NDUFAF6: variants seen among roughly 807,000 people sequenced by gnomAD.
The protein encoded by NDUFAF6 is NADH dehydrogenase (ubiquinone) complex I, assembly factor 6.
Under a neutral mutation model 40.8 loss-of-function variants are expected in NDUFAF6, and 45 were observed. That is an observed-to-expected ratio of 1.10 (90% CI 0.87 to 1.42). NDUFAF6 has a LOEUF of 1.42. Among genes scored for constraint, NDUFAF6 ranks in the 40% most tolerant of loss-of-function variants. The pLI is 0.00. For missense variants in NDUFAF6, 435 were observed against 418.5 expected, an observed-to-expected ratio of 1.04 and a Z score of -0.34; for synonymous variants, 185 against 155.9, an observed-to-expected ratio of 1.19 and a Z score of -1.39.
rs111705573 is a variant in NDUFAF6, at chr8:95,034,261, T to C, written c.298-1193T>C. 3.1e-3 allele frequency: 1,043 copies of C among 333,618 alleles called. 6 individuals are homozygous for C. The highest frequency in any genetic ancestry group is 0.02 in the African/African-American group (935 of 46,694). 20.7% of individuals were successfully genotyped at this position (333,618 alleles called of 1,614,324 possible). A position where few individuals can be genotyped will look rare whatever the true frequency, so the allele number is the denominator to read the frequency against. On this transcript the variant is annotated intron_variant, in intron 2 of 8. Transcript: ENST00000396124. ...AGTAACTTGACTATATCATGACCCT[T>C]ATCGCTATAAACTTGATTGTGTGTC...
chr8:95,079,290 T>G (rs779110219), downstream of NDUFAF6, among the ~76,000 whole-genome samples: 6 of 152,168 alleles, frequency 3.9e-5, no homozygotes, highest in Non-Finnish European at 5.9e-5. Flanking sequence ...ACATCTTGAT[T>G]GCTTCCAGTT....
chr8:95,088,780 A>T (rs1430663778), intron 2 of NDUFAF6, among the ~76,000 whole-genome samples: 1 of 146,574 alleles, frequency 6.8e-6, no homozygotes, highest in African/African-American at 2.5e-5. Context: ...ATTTTTTTTG[A>T]GACAGCGTCT....
downstream of NDUFAF6, among the ~76,000 whole-genome samples, chr8:95,105,639 T>G (rs955157372): frequency 2.0e-5 from 3 of 152,080 alleles, no homozygotes; most frequent in Non-Finnish European, 4.4e-5. Flanking sequence ...GTACCTGGGA[T>G]TACAGACATG....
chr8:95,111,577 G>A (rs1809999561), intron 4 of NDUFAF6, among the ~76,000 whole-genome samples: 1 of 152,146 alleles, frequency 6.6e-6, no homozygotes, highest in Non-Finnish European at 1.5e-5. Flanking sequence ...GCTCGTGTAG[G>A]TAGTGCCTTG....
chr8:94,966,198 C>T (rs1215508808), intron 1 of NDUFAF6, among the ~76,000 whole-genome samples: 1 of 152,210 alleles, frequency 6.6e-6, no homozygotes, highest in Admixed American at 6.5e-5. Context: ...ATGAGATCAC[C>T]TGGGGAGAGC....
At chr8:94,987,259 G>C (rs556026205) in intron 2 of NDUFAF6, among the ~76,000 whole-genome samples, 9 of 152,124 alleles carry the variant, frequency 5.9e-5, no homozygotes, top group Non-Finnish European at 1.2e-4. Context: ...TTATTGACTT[G>C]GTTCATCCAC....
intron 9 of NDUFAF6, among the ~76,000 whole-genome samples, chr8:95,069,667 C>T (rs1832787632): frequency 6.6e-6 from 1 of 150,428 alleles, no homozygotes; most frequent in African/African-American, 2.5e-5. Flanking sequence ...ATAATCCCAG[C>T]TACTCGGGAG....
At chr8:94,924,570 C>T (rs1819731820) in intron 1 of NDUFAF6, among the ~76,000 whole-genome samples, 1 of 152,154 alleles carries the variant, frequency 6.6e-6, no homozygotes, top group Non-Finnish European at 1.5e-5. Flanking sequence ...CCTTGATGTG[C>T]CCATCCCCAC....
chr8:95,019,902 A>C (rs1827619823), intron 2 of NDUFAF6, among the ~76,000 whole-genome samples: 1 of 152,206 alleles, frequency 6.6e-6, no homozygotes, highest in Non-Finnish European at 1.5e-5. Context: ...ATTTTTTAAA[A>C]AAATGGTAAT....
intron 1 of NDUFAF6, among the ~76,000 whole-genome samples, chr8:94,897,219 C>T (rs1243750549): frequency 6.6e-6 from 1 of 152,136 alleles, no homozygotes; most frequent in Non-Finnish European, 1.5e-5. Flanking sequence ...AATGTATGCT[C>T]AGTACTGAGT....
intron 2 of NDUFAF6, among the ~76,000 whole-genome samples, chr8:95,091,406 C>T (rs1809246768): frequency 6.6e-6 from 1 of 152,024 alleles, no homozygotes; most frequent in African/African-American, 2.4e-5. Context: ...GGGAAACTGT[C>T]CTCATGATAC....
chr8:95,106,014 G>A (rs556836435), downstream of NDUFAF6, among the ~76,000 whole-genome samples: 20 of 151,844 alleles, frequency 1.3e-4, no homozygotes, highest in Non-Finnish European at 2.9e-4. Flanking sequence ...GGTGGCTCAT[G>A]CCTGTAATCC....
At chr8:95,109,686 T>C (rs1809943585) in intron 4 of NDUFAF6, among the ~76,000 whole-genome samples, 1 of 152,172 alleles carries the variant, frequency 6.6e-6, no homozygotes, top group Non-Finnish European at 1.5e-5. Flanking sequence ...TTTGACCTCT[T>C]CTTATATCAT....
At chr8:95,103,264 G>A (rs1809712388) in exon 3 of NDUFAF6, 1 of 152,166 alleles carries the variant, frequency 6.6e-6, no homozygotes, top group Non-Finnish European at 1.5e-5. Flanking sequence ...TCAACCTGTT[G>A]ATACCAGAAG....
intron 1 of NDUFAF6, chr8:94,974,872 C>T (rs1824792099): frequency 6.6e-6 from 1 of 152,598 alleles, no homozygotes. Context: ...GCCTGTCCAG[C>T]TAGAGGCGTG....
At chr8:95,037,970 A>G (rs1177211794) in intron 3 of NDUFAF6, among the ~76,000 whole-genome samples, 2 of 152,130 alleles carry the variant, frequency 1.3e-5, no homozygotes, top group African/African-American at 2.4e-5. Flanking sequence ...TGCAGCCTCA[A>G]CCTCCTGGGC....
At chr8:95,080,164 T>G (rs5027166), downstream of NDUFAF6, among the ~76,000 whole-genome samples, 11,134 of 61,902 alleles carry the variant, frequency 0.18, no homozygotes, top group East Asian at 0.3. Context: ...AGTGATTTTT[T>G]GTAGTGTATT....
intron 1 of NDUFAF6, among the ~76,000 whole-genome samples, chr8:94,896,285 A>G (rs1817557074): frequency 6.7e-6 from 1 of 148,154 alleles, no homozygotes. Context: ...CGCCGCCGCC[A>G]GCGCGCCCTG....
downstream of NDUFAF6, among the ~76,000 whole-genome samples, chr8:95,061,639 G>C (rs557584761): frequency 6.6e-6 from 1 of 152,148 alleles, no homozygotes; most frequent in African/African-American, 2.4e-5. Context: ...TGAGAAAGAT[G>C]CTTGTAGAAT....
Sources: allele counts gnomAD v4.1 joint callset (sites outside exome capture counted in the v4.1 genomes callset), GRCh38; gene constraint gnomAD v4.1.1; transcripts MANE v1.5; gene names NCBI Gene and HGNC (gene_info 2026-07-23, HGNC 2026-07-21).